CA10: variants seen among roughly 807,000 people sequenced by gnomAD.
CA10 encodes the protein carbonic anhydrase-related protein 10.
CA10 carries 14 observed loss-of-function variants against 44.2 expected under a neutral mutation model. The ratio of observed to expected loss-of-function variants is 0.32; its 90% CI spans 0.21 to 0.50. CA10 has a LOEUF of 0.50. CA10 is among the 20% of genes least tolerant of loss of function. The probability of loss-of-function intolerance (pLI) is 0.99; values close to 1 mark genes in which losing one functional copy is unlikely to be tolerated. For synonymous variants in CA10, 159 were observed against 141.6 expected, an observed-to-expected ratio of 1.12 and a Z score of -0.87; for missense variants, 350 against 409.7, an observed-to-expected ratio of 0.85 and a Z score of 1.26.
At chr17:51,982,717 T>G (rs910237002) in intron 2 of CA10, among the ~76,000 whole-genome samples, 2 of 151,892 alleles carry the variant, frequency 1.3e-5, no homozygotes, top group Non-Finnish European at 2.9e-5. Flanking sequence ...ACCACAACCT[T>G]TTCCCAATAA....
intron 4 of CA10, among the ~76,000 whole-genome samples, chr17:51,710,921 C>CTTTTTTTTTTT (rs55854155): frequency 4.7e-5 from 4 of 84,470 alleles, no homozygotes; most frequent in Admixed American, 1.5e-4. Flanking sequence ...CAACATTTTG[C>CTTTTTTTTTTT]TTTTTTTTTT....
chr17:51,950,920 A>G (rs1377317107), intron 2 of CA10, among the ~76,000 whole-genome samples: 1 of 152,158 alleles, frequency 6.6e-6, no homozygotes, highest in Non-Finnish European at 1.5e-5. Flanking sequence ...GATAGTGCAC[A>G]GCATTTAGTA....
In CA10 at chr17:51,849,251, A is replaced by G. The variant is rs1392099835; in HGVS notation, c.279+81739T>C. ...TGTGTGTGTATATATATATATATAT[A>G]TATATATATATATAAAACTAAGTTT... On this transcript the variant is annotated intron_variant, in intron 3 of 8. Transcript: ENST00000451037. Among the ~76,000 whole-genome samples the G allele has an allele frequency of 8.2e-4, 111 of 135,720 alleles. 1 individual carries two copies. Among genetic ancestry groups the G allele is most frequent in the African/African-American group, 2.6e-3 (98 of 37,620 alleles). 89.0% of individuals were successfully genotyped at this position (135,720 alleles called of 152,430 possible). A position where few individuals can be genotyped will look rare whatever the true frequency, so the allele number is the denominator to read the frequency against.
intron 3 of CA10, among the ~76,000 whole-genome samples, chr17:51,816,752 C>T (rs1434152719): frequency 3.3e-5 from 5 of 152,154 alleles, no homozygotes; most frequent in Non-Finnish European, 7.3e-5. Flanking sequence ...ACACATATTA[C>T]CATATTACAA....
intron 3 of CA10, among the ~76,000 whole-genome samples, chr17:51,780,908 G>A (rs970596104): frequency 5.3e-5 from 8 of 152,224 alleles, no homozygotes; most frequent in African/African-American, 1.9e-4. Flanking sequence ...CAACTCTGTT[G>A]TGGTAGCATG....
chr17:51,728,353 T>C (rs151213023), intron 4 of CA10, among the ~76,000 whole-genome samples: 292 of 152,276 alleles, frequency 1.9e-3, no homozygotes, highest in African/African-American at 6.7e-3. Context: ...GAGACTATGT[T>C]CAGTTTCTAC....
At chr17:51,904,161 A>C (rs1269788869) in intron 3 of CA10, among the ~76,000 whole-genome samples, 1 of 151,772 alleles carries the variant, frequency 6.6e-6, no homozygotes, top group Non-Finnish European at 1.5e-5. Context: ...GCCCCAGGCA[A>C]TCTGAGATAA....
chr17:51,955,057 C>A (rs184147640), intron 2 of CA10, among the ~76,000 whole-genome samples: 1 of 152,024 alleles, frequency 6.6e-6, no homozygotes, highest in African/African-American at 2.4e-5. Context: ...AAAAATAGCC[C>A]GGCTCTTGGG....
At chr17:51,692,959 T>C (rs1915270380) in intron 4 of CA10, among the ~76,000 whole-genome samples, 1 of 152,244 alleles carries the variant, frequency 6.6e-6, no homozygotes, top group South Asian at 2.1e-4. Context: ...TTGGCCGGTT[T>C]CAACAGGTCT....
intron 3 of CA10, among the ~76,000 whole-genome samples, chr17:51,893,482 AAGT>A (rs1980946484): frequency 6.6e-6 from 1 of 152,174 alleles, no homozygotes; most frequent in African/African-American, 2.4e-5. Flanking sequence ...TGGGGATAAA[AAGT>A]AGTCAAACTA....
chr17:51,746,726 A>G (rs1403529969), intron 4 of CA10, among the ~76,000 whole-genome samples: 2 of 152,200 alleles, frequency 1.3e-5, no homozygotes, highest in Non-Finnish European at 2.9e-5. Flanking sequence ...TTTTGGATGC[A>G]CATTAAAATC....
chr17:51,899,151 C>G (rs769588803), intron 3 of CA10, among the ~76,000 whole-genome samples: 5 of 151,664 alleles, frequency 3.3e-5, no homozygotes, highest in Non-Finnish European at 5.9e-5. Flanking sequence ...TAATTTGAGA[C>G]CTTTCTAAAG....
intron 3 of CA10, among the ~76,000 whole-genome samples, chr17:51,910,211 T>C (rs765620366): frequency 3.9e-5 from 6 of 152,022 alleles, no homozygotes. Flanking sequence ...TTAGAGACAA[T>C]GTACTCAATC....
intron 3 of CA10, among the ~76,000 whole-genome samples, chr17:51,748,768 G>A (rs1904794090): frequency 6.6e-6 from 1 of 152,150 alleles, no homozygotes; most frequent in African/African-American, 2.4e-5. Flanking sequence ...TTCCTGAAGG[G>A]CTTCCTGTAC....
At chr17:51,725,888 G>A (rs148918503) in intron 4 of CA10, among the ~76,000 whole-genome samples, 1 of 152,166 alleles carries the variant, frequency 6.6e-6, no homozygotes, top group Admixed American at 6.5e-5. Flanking sequence ...ACCCTGAACT[G>A]TCTTGGGGGT....
chr17:52,095,568 A>G, intron 1 of CA10, among the ~76,000 whole-genome samples: 1 of 152,302 alleles, frequency 6.6e-6, no homozygotes, highest in East Asian at 1.9e-4. Context: ...AAGAATTTAT[A>G]TGATCTATCC....
At chr17:52,049,385 A>T (rs1395446084) in intron 2 of CA10, among the ~76,000 whole-genome samples, 1 of 152,106 alleles carries the variant, frequency 6.6e-6, no homozygotes, top group Non-Finnish European at 1.5e-5. Flanking sequence ...CAATCATAAT[A>T]ATTCCTTTAT....
intron 4 of CA10, among the ~76,000 whole-genome samples, chr17:51,722,381 T>G (rs1916375618): frequency 6.6e-6 from 1 of 152,204 alleles, no homozygotes; most frequent in Non-Finnish European, 1.5e-5. Flanking sequence ...ATTGCAAATT[T>G]GTAGGTGTGT....
chr17:51,952,209 T>C (rs996193448), intron 2 of CA10, among the ~76,000 whole-genome samples: 7 of 152,210 alleles, frequency 4.6e-5, no homozygotes, highest in African/African-American at 1.2e-4. Context: ...TCTCCAATGT[T>C]GTATTACTTT....
Sources: gnomAD v4.1 joint callset for allele counts (sites outside exome capture counted in the v4.1 genomes callset) on GRCh38, gnomAD v4.1.1 for gene constraint, MANE v1.5 for transcripts, NCBI Gene and HGNC (gene_info 2026-07-23, HGNC 2026-07-21) for gene names.